Variants in ACOT1 observed in about 807,000 individuals in gnomAD.
The protein encoded by ACOT1 is acyl-coenzyme A thioesterase 1.
In ACOT1, 8 loss-of-function variants were observed where a neutral mutation model predicts 15.7. The observed-to-expected ratio is 0.51, with a 90% confidence interval of 0.30 to 0.92. The LOEUF (loss-of-function observed/expected upper bound fraction) is 0.92. Ranked by LOEUF, ACOT1 falls within the 40% of genes least tolerant of loss-of-function variation. The pLI is 0.06. For missense variants in ACOT1, 151 were observed against 539.4 expected (o/e 0.28, Z 7.13); for synonymous variants, 67 against 241.2 (o/e 0.28, Z 6.69).
chr14:73,503,742 A>G, the ACOT1 span, among the ~76,000 whole-genome samples: 4 of 152,180 alleles, frequency 2.6e-5, no homozygotes, highest in African/African-American at 7.2e-5. Flanking sequence ...TGTTCTAGCT[A>G]TTTGTAACAT....
the ACOT1 span, chr14:73,492,127 T>C: frequency 6.2e-7 from 1 of 1,613,898 alleles, no homozygotes; most frequent in Non-Finnish European, 8.5e-7. This position sits in a 1 kb window ranked among gnomAD's most constrained non-coding sequence, Gnocchi z 4.9. Flanking sequence ...AGGAACTGGC[T>C]CTGACATCCA....
At chr14:73,540,565 T>C (rs1215161514) in intron 1 of ACOT1, among the ~76,000 whole-genome samples, 1 of 87,934 alleles carries the variant, frequency 1.1e-5, no homozygotes, top group Non-Finnish European at 2.2e-5. Context: ...AAATAAAATA[T>C]TGTTTAAGGT....
At chr14:73,522,175 G>A in the ACOT1 span, 1 of 1,246,002 alleles carries the variant, frequency 8.0e-7, no homozygotes, top group Admixed American at 2.1e-5. Flanking sequence ...GTTGATGGGA[G>A]AGTGCATTCT....
the ACOT1 span, chr14:73,500,750 T>C: frequency 1.2e-6 from 2 of 1,608,254 alleles, no homozygotes; most frequent in Non-Finnish European, 1.7e-6. Context: ...ACAAGTTGCT[T>C]TCCTTTCACC....
At chr14:73,491,735 G>A in the ACOT1 span, 1 of 1,554,072 alleles carries the variant, frequency 6.4e-7, no homozygotes, top group Non-Finnish European at 8.7e-7. Context: ...CTACTACCAG[G>A]GACTTTTCTC....
chr14:73,543,515 G>A lies in ACOT1; in HGVS notation c.1126G>A (p.Ala376Thr), dbSNP rs777102881. The A allele has an allele frequency of 2.6e-6, 2 of 762,860 alleles. No individual in the cohort carries two copies. The highest frequency in any genetic ancestry group is 4.0e-5 in the African/African-American group (2 of 49,754). The allele number at this position is 762,860 out of a possible 1,614,324, so 47.3% of individuals were successfully genotyped here. A position where few individuals can be genotyped will look rare whatever the true frequency, so the allele number is the denominator to read the frequency against. Residue 376 changes from alanine to threonine, a missense_variant, in exon 3 of 3, where the codon GCC (alanine) becomes ACC (threonine). By Grantham distance (58) the Ala-to-Thr change is moderately conservative. Transcript: ENST00000311148. ...CCCCCTGTGTCGGGCTTCCCTGCAT[G>A]CCTTGGTGGGCAGTCCTATTATCTG... ...YFPLCRASLH[A>T]LVGSPIIWGG...
the ACOT1 span, among the ~76,000 whole-genome samples, chr14:73,497,921 C>T: frequency 2.0e-5 from 3 of 152,140 alleles, no homozygotes; most frequent in Admixed American, 6.5e-5. Context: ...TCATCACACC[C>T]GGCCAAAACC....
the ACOT1 span, chr14:73,491,037 G>C: frequency 6.3e-7 from 1 of 1,582,448 alleles, no homozygotes; most frequent in East Asian, 2.3e-5. Flanking sequence ...CTCCAGGCCA[G>C]TGCAGGGCCG....
At chr14:73,493,252 C>A in the ACOT1 span, 1 of 723,472 alleles carries the variant, frequency 1.4e-6, no homozygotes, top group Non-Finnish European at 2.3e-6. Context: ...TGTCGTTCTG[C>A]TTGAGACAGA....
the ACOT1 span, chr14:73,521,012 C>T: frequency 1.2e-6 from 2 of 1,613,516 alleles, no homozygotes; most frequent in African/African-American, 1.3e-5. Flanking sequence ...TCTCAACTGT[C>T]TCTGCTTGTT....
upstream of ACOT1, among the ~76,000 whole-genome samples, chr14:73,535,501 T>C (rs1407081074): frequency 8.5e-5 from 5 of 59,154 alleles, 2 homozygotes; most frequent in Non-Finnish European, 1.5e-4. Context: ...TTTTTTTTTT[T>C]TTTTTTGCCC....
At chr14:73,492,478 C>T in the ACOT1 span, 1 of 1,613,722 alleles carries the variant, frequency 6.2e-7, no homozygotes, top group South Asian at 1.1e-5. The surrounding 1 kb of genome is among the most constrained non-coding windows in gnomAD (Gnocchi z 4.9). Context: ...TGGTTGCCCG[C>T]CTGGGACACT....
the ACOT1 span, chr14:73,522,477 G>C: frequency 1.2e-6 from 2 of 1,614,218 alleles, no homozygotes. Context: ...GATGCCCCAG[G>C]CCTTCGAGGA....
At position 73,542,393 on chromosome 14, in the gene ACOT1, T is replaced by C. The variant is rs1424030832; in HGVS notation, c.661-657T>C. 2.8e-5 allele frequency among the ~76,000 whole-genome samples: 3 copies of C among 106,794 alleles called. 1 individual carries two copies. Among genetic ancestry groups the C allele is most frequent in the African/African-American group, 6.6e-5 (2 of 30,532 alleles). 70.1% of individuals were successfully genotyped at this position (106,794 alleles called of 152,430 possible). On this transcript the variant is annotated intron_variant, in intron 2 of 2. Coordinates refer to ENST00000311148, the MANE Select transcript of ACOT1 (RefSeq NM_001037161.2). Reference sequence around the variant, plus strand: ...TTATGCAATTTTAAATTCCAGTATGTTTTTTCTTTCTTTTTTTTTTTTTTT... The same window carrying C: ...TTATGCAATTTTAAATTCCAGTATGCTTTTTCTTTCTTTTTTTTTTTTTTT...
the ACOT1 span, among the ~76,000 whole-genome samples, chr14:73,518,412 GA>G: frequency 0.01 from 1,097 of 108,590 alleles, 12 homozygotes; most frequent in African/African-American, 0.026. Context: ...TCCAAAAAAA[GA>G]AAAAAAAAAA....
the ACOT1 span, chr14:73,523,102 C>A: frequency 6.2e-7 from 1 of 1,610,202 alleles, no homozygotes; most frequent in Non-Finnish European, 8.5e-7. Context: ...GGGGCAGTGA[C>A]TGATAGAAGC....
At chr14:73,509,168 T>C in the ACOT1 span, 2 of 816,052 alleles carry the variant, frequency 2.5e-6, no homozygotes, top group Non-Finnish European at 3.9e-6. Context: ...TGTCTGGTCC[T>C]AATTTTCAAA....
At chr14:73,502,633 C>T in the ACOT1 span, among the ~76,000 whole-genome samples, 5 of 152,054 alleles carry the variant, frequency 3.3e-5, no homozygotes, top group African/African-American at 9.7e-5. Context: ...CTGCAACCTC[C>T]GCCTCCCAGG....
At chr14:73,526,784 G>A in the ACOT1 span, among the ~76,000 whole-genome samples, 1 of 152,210 alleles carries the variant, frequency 6.6e-6, no homozygotes, top group East Asian at 1.9e-4. Flanking sequence ...GTAAATATCA[G>A]TGGTAGCTAA....
Sources: allele counts gnomAD v4.1 joint callset (sites outside exome capture counted in the v4.1 genomes callset), GRCh38; gene constraint gnomAD v4.1.1; non-coding constraint Gnocchi (gnomAD v3.1); transcripts MANE v1.5; gene names NCBI Gene and HGNC (gene_info 2026-07-23, HGNC 2026-07-21).